PCDHGB3: variants seen among roughly 807,000 people sequenced by gnomAD.
PCDHGB3 encodes the protein protocadherin gamma-B3.
A neutral mutation model predicts 59.2 loss-of-function variants in PCDHGB3; 40 were observed. That is an observed-to-expected ratio of 0.68 (90% CI 0.52 to 0.88). The LOEUF is 0.88. PCDHGB3 is among the 40% of genes least tolerant of loss of function. PCDHGB3 has a pLI of 0.00. For missense variants in PCDHGB3, 1,309 were observed against 1,187.9 expected (o/e 1.10, Z -1.50); for synonymous variants, 581 against 503.6 (o/e 1.15, Z -2.06).
Position 141,417,842 on chromosome 5 carries a change from C to A in PCDHGB3, c.2415+45033C>A, listed in dbSNP as rs1247720013. 3 of 1,537,164 alleles carry A rather than the reference C, an allele frequency of 2.0e-6. No homozygotes were observed. The South Asian group carries it at 3.6e-5, about 19-fold the overall frequency. Reference sequence around the variant, plus strand: ...TCCAACTGGAAAAGCGGGGACCCAGCGAGAACCCGAGCGAACGATGGGAGG... The same window carrying A: ...TCCAACTGGAAAAGCGGGGACCCAGAGAGAACCCGAGCGAACGATGGGAGG... On this transcript the variant is annotated intron_variant, in intron 1 of 3. Transcript: ENST00000576222.
At chr5:141,388,369 T>G in intron 1 of PCDHGB3, 1 of 1,614,006 alleles carries the variant, frequency 6.2e-7, no homozygotes, top group Non-Finnish European at 8.5e-7. Flanking sequence ...GATGCGGATA[T>G]TGGTAGCAAC....
In PCDHGB3 at chr5:141,375,718, C is replaced by A. The variant is rs888006407; in HGVS notation, c.2415+2909C>A. 9 of 1,614,152 alleles carry A rather than the reference C, an allele frequency of 5.6e-6. No homozygotes were observed. Among genetic ancestry groups the A allele is most frequent in the African/African-American group, 1.3e-5 (1 of 74,952 alleles). ...GCGGGGACCCGCCTCTTAGCAGCAA[C>A]GTGTCACTGAGCCTGTTTGTGCTGG... On this transcript the variant is annotated intron_variant, in intron 1 of 3. Transcript: ENST00000576222.
intron 1 of PCDHGB3, chr5:141,418,778 T>C (rs1256260275): frequency 6.2e-7 from 1 of 1,613,744 alleles, no homozygotes; most frequent in Non-Finnish European, 8.5e-7. Context: ...TCAGCAGCCT[T>C]TGGATTTTGA....
At position 141,485,683 on chromosome 5, in the gene PCDHGB3, T is replaced by C. The variant is rs2099617681; in HGVS notation, c.2416-9124T>C. ...TGGGGAGCAATTCGATTAGCAGCTA[T>C]AGGCTGAGCTCCAATGAACACTTTG... On this transcript the variant is annotated intron_variant, in intron 1 of 3. Coordinates refer to ENST00000576222, the MANE Select transcript of PCDHGB3 (RefSeq NM_018924.5). This position sits in a 1 kb window ranked among gnomAD's most constrained non-coding sequence, Gnocchi z 5.7. 3.7e-6 allele frequency: 6 copies of C among 1,614,042 alleles called. No individual in the cohort carries two copies. The South Asian group carries it at 4.4e-5, about 12-fold the overall frequency.
chr5:141,383,196 T>G, intron 1 of PCDHGB3: 3 of 1,613,866 alleles, frequency 1.9e-6, no homozygotes, highest in Non-Finnish European at 2.5e-6. Flanking sequence ...GCGCTCAGAG[T>G]GCGCGGTGTC....
At chr5:141,389,080 C>T (rs762866893) in intron 1 of PCDHGB3, 8 of 1,613,866 alleles carry the variant, frequency 5.0e-6, no homozygotes, top group African/African-American at 2.7e-5. Flanking sequence ...TCAAGAAACA[C>T]GTATAAATTA....
chr5:141,485,587 G>C lies in PCDHGB3; in HGVS notation c.2416-9220G>C. 6.2e-7 allele frequency: 1 copy of C among 1,612,652 alleles called. No individual in the cohort carries two copies. The highest frequency in any genetic ancestry group is 1.7e-5 in the Admixed American group (1 of 59,982). On this transcript the variant is annotated intron_variant, in intron 1 of 3. Coordinates refer to ENST00000576222, the MANE Select transcript of PCDHGB3 (RefSeq NM_018924.5). This position sits in a 1 kb window ranked among gnomAD's most constrained non-coding sequence, Gnocchi z 5.7. ...CCCCCCGTTTTCCGCGGCAGCAGCT[G>C]GACTTGGAAATTGGGGAGGCAGCTC... is the stretch of plus-strand genomic sequence containing the variant.
intron 1 of PCDHGB3, chr5:141,375,618 G>A (rs1771662447): frequency 6.2e-7 from 1 of 1,614,078 alleles, no homozygotes; most frequent in Non-Finnish European, 8.5e-7. Context: ...TCCGACACTG[G>A]GATTCTGTAC....
At chr5:141,507,807 A>AACGG (rs1465406594) in intron 3 of PCDHGB3, among the ~76,000 whole-genome samples, 2 of 152,152 alleles carry the variant, frequency 1.3e-5, no homozygotes, top group East Asian at 3.9e-4. Flanking sequence ...CGCCCTGGGG[A>AACGG]ACGGACCCTG....
intron 3 of PCDHGB3, 59 bp from the exon 4 acceptor site, chr5:141,510,888 A>C (rs2099883233): frequency 6.2e-7 from 1 of 1,612,646 alleles, no homozygotes. Flanking sequence ...GGGATATAAG[A>C]CAGTGACTGT....
chr5:141,384,300 A>G, intron 1 of PCDHGB3: 1 of 1,613,776 alleles, frequency 6.2e-7, no homozygotes, highest in South Asian at 1.1e-5. Context: ...ACAACCCCAG[A>G]GGGGCCTCCA....
At position 141,372,037 on chromosome 5, in the gene PCDHGB3, T is replaced by TGC. The variant is rs772549612; in HGVS notation, c.1647_1648dup (p.Val550AlafsTer40). 5.6e-6 allele frequency: 9 copies of TGC among 1,613,494 alleles called. No homozygotes were observed. The highest frequency in any genetic ancestry group is 1.7e-4 in the Middle Eastern group (1 of 6,048). On this transcript the variant is annotated frameshift_variant, in exon 1 of 4. Coordinates refer to ENST00000576222, the MANE Select transcript of PCDHGB3 (RefSeq NM_018924.5). LOFTEE classifies it high-confidence loss of function. ...CCTACGCTCAGCGCCAACGTGAGCC[T>TGC]GCGCGTGTTGGTGGACGACCGCAAC...
intron 1 of PCDHGB3, chr5:141,408,402 G>A: frequency 1.2e-6 from 2 of 1,614,052 alleles, no homozygotes; most frequent in Non-Finnish European, 1.7e-6. Context: ...CGCAAGCTGC[G>A]AGTGAGCGCG....
At chr5:141,417,740 C>A (rs2096156298) in intron 1 of PCDHGB3, 3 of 1,413,210 alleles carry the variant, frequency 2.1e-6, no homozygotes, top group East Asian at 2.5e-5. Flanking sequence ...CCCAGCACAC[C>A]AGATTGCCAG....
intron 1 of PCDHGB3, chr5:141,393,113 G>C: frequency 6.2e-7 from 1 of 1,613,500 alleles, no homozygotes. Flanking sequence ...CTCAGAGCCC[G>C]CGGTGTCTGA....
At chr5:141,421,825 AG>A in intron 1 of PCDHGB3, 1 of 1,613,802 alleles carries the variant, frequency 6.2e-7, no homozygotes. Flanking sequence ...ACTGGAGGGA[AG>A]CCTGGACCGA....
intron 1 of PCDHGB3, chr5:141,414,476 C>G (rs1242647918): frequency 6.2e-7 from 1 of 1,613,920 alleles, no homozygotes; most frequent in Non-Finnish European, 8.5e-7. Context: ...GGGGGAAGTC[C>G]TCCTCTATCA....
rs187164796 is a variant in PCDHGB3, at chr5:141,398,527, A to C, written c.2415+25718A>C. On this transcript the variant is annotated intron_variant, in intron 1 of 3. Transcript: ENST00000576222. ...CATTAATGACCACACGCCAAAATTC[A>C]CGCAAAATTCCTTTGAGCTGCAAAT... 1.8e-3 allele frequency: 2,980 copies of C among 1,613,696 alleles called. 47 individuals are homozygous for C. The African/African-American group carries it at 0.033, about 18-fold the overall frequency.
chr5:141,456,426 A>G (rs2098857765), intron 1 of PCDHGB3, among the ~76,000 whole-genome samples: 1 of 152,210 alleles, frequency 6.6e-6, no homozygotes, highest in Non-Finnish European at 1.5e-5. Context: ...AATTCAAGTT[A>G]TAGTATTGAG....
Sources: gnomAD v4.1 joint callset for allele counts (sites outside exome capture counted in the v4.1 genomes callset) on GRCh38, gnomAD v4.1.1 for gene constraint, Gnocchi (gnomAD v3.1) non-coding constraint, MANE v1.5 for transcripts, NCBI Gene and HGNC (gene_info 2026-07-23, HGNC 2026-07-21) for gene names.